Variants in COBL observed in about 807,000 individuals in gnomAD.
COBL encodes the protein protein cordon-bleu.
COBL carries 51 observed loss-of-function variants against 98.8 expected under a neutral mutation model. The ratio of observed to expected loss-of-function variants is 0.52; its 90% CI spans 0.41 to 0.65. The LOEUF (loss-of-function observed/expected upper bound fraction) is 0.65. Ranked by LOEUF, COBL falls within the 30% of genes least tolerant of loss-of-function variation. The pLI, the probability that COBL is intolerant of heterozygous loss-of-function variation, is 0.00. For missense variants in COBL, 1,617 were observed against 1,617.5 expected (o/e 1.00, Z 0.01); for synonymous variants, 634 against 651.7 (o/e 0.97, Z 0.41).
chr7:51,267,494 A>ATC (rs1798330222), intron 1 of COBL, among the ~76,000 whole-genome samples: 1 of 151,822 alleles, frequency 6.6e-6, no homozygotes, highest in Admixed American at 6.6e-5. Context: ...ATATATATAT[A>ATC]TTACTAGTAT....
chr7:51,187,327 TATATACACAC>T (rs1216271303), intron 4 of COBL, among the ~76,000 whole-genome samples: 2 of 139,040 alleles, frequency 1.4e-5, no homozygotes, highest in African/African-American at 5.8e-5. Context: ...TATATATATA[TATATACACAC>T]ACACACACAC....
rs1787583918 is a variant in COBL at position 51,026,558 on chromosome 7, G to A, written c.3492C>T (p.Cys1164=). ...CTTCACCTCTTACCTTCCTCAGGCTGCAGGTGCCGCTGTGCCCGCGGATAG... is the reference window on the plus strand; with the variant it reads ...CTTCACCTCTTACCTTCCTCAGGCTACAGGTGCCGCTGTGCCCGCGGATAG... The part of the protein sequence containing the change: ...LAAIRGHSGT[C]SLRKVASSAS... Residue 1164 remains cysteine, a synonymous_variant, in exon 11 of 13, where the codon TGC becomes TGT. Coordinates refer to ENST00000265136, the MANE Select transcript of COBL (RefSeq NM_015198.5). 1.9e-6 allele frequency: 3 copies of A among 1,614,016 alleles called. No individual in the cohort carries two copies. The highest frequency in any genetic ancestry group is 4.5e-5 in the East Asian group (2 of 44,890).
At chr7:51,286,912 C>T (rs901461172) in intron 1 of COBL, among the ~76,000 whole-genome samples, 3 of 152,156 alleles carry the variant, frequency 2.0e-5, no homozygotes, top group Non-Finnish European at 4.4e-5. Context: ...TATACACCAT[C>T]GAATACTACA....
chr7:51,165,573 A>T (rs952427287), intron 5 of COBL, among the ~76,000 whole-genome samples: 4 of 152,004 alleles, frequency 2.6e-5, no homozygotes, highest in Non-Finnish European at 5.9e-5. Flanking sequence ...ACAAAAAGCA[A>T]CAAAGAAACA....
At chr7:51,223,977 AG>A (rs1328385751) in intron 1 of COBL, among the ~76,000 whole-genome samples, 1 of 152,236 alleles carries the variant, frequency 6.6e-6, no homozygotes, top group Non-Finnish European at 1.5e-5. Context: ...ACATATATAA[AG>A]GTAGTCCCCT....
At chr7:51,312,720 GT>G (rs1803177610) in intron 1 of COBL, among the ~76,000 whole-genome samples, 2 of 152,102 alleles carry the variant, frequency 1.3e-5, no homozygotes, top group South Asian at 2.1e-4. Context: ...CTCTGCCTGG[GT>G]CAAGGTTCCA....
chr7:51,155,357 A>G (rs1324162653), intron 5 of COBL, among the ~76,000 whole-genome samples: 1 of 152,104 alleles, frequency 6.6e-6, no homozygotes, highest in Admixed American at 6.5e-5. Flanking sequence ...TGGGAGGCTG[A>G]GATGGGTGAA....
At chr7:51,037,066 G>GTC (rs149495968) in intron 8 of COBL, among the ~76,000 whole-genome samples, 7 of 151,626 alleles carry the variant, frequency 4.6e-5, no homozygotes, top group Admixed American at 6.6e-5. Flanking sequence ...CTCTCTCTCT[G>GTC]TCTCTCTCTC....
intron 7 of COBL, chr7:51,065,149 G>A (rs1030261777): frequency 1.6e-5 from 11 of 701,092 alleles, no homozygotes; most frequent in Admixed American, 8.0e-5. Flanking sequence ...GCTGATTAGG[G>A]ATTGTCTCCC....
intron 1 of COBL, among the ~76,000 whole-genome samples, chr7:51,258,413 T>C (rs1218569137): frequency 6.6e-6 from 1 of 152,146 alleles, no homozygotes; most frequent in Non-Finnish European, 1.5e-5. Flanking sequence ...CTAGGACAGA[T>C]GACACAACAA....
At chr7:51,302,517 G>T (rs1442010376) in intron 1 of COBL, among the ~76,000 whole-genome samples, 2 of 148,872 alleles carry the variant, frequency 1.3e-5, no homozygotes, top group African/African-American at 5.0e-5. Context: ...GGAGGCGGAG[G>T]TTGTGGTGAG....
In COBL at chr7:51,306,215, C is replaced by T. The variant is rs118065959; in HGVS notation, c.41+10378G>A. Among the ~76,000 whole-genome samples the T allele has an allele frequency of 3.6e-3, 547 of 152,228 alleles. 1 individual carries two copies. Among genetic ancestry groups the T allele is most frequent in the Middle Eastern group, 0.02 (6 of 294 alleles). ...CCACACACCAGGGCTATTTTCTCTC[C>T]GTGCTCAGTTCATCCCTGCTGGAGG... On this transcript the variant is annotated intron_variant, in intron 1 of 12. Coordinates refer to ENST00000265136, the MANE Select transcript of COBL (RefSeq NM_015198.5).
At chr7:51,242,314 A>G (rs1795863248) in intron 1 of COBL, among the ~76,000 whole-genome samples, 1 of 152,220 alleles carries the variant, frequency 6.6e-6, no homozygotes, top group African/African-American at 2.4e-5. Context: ...AAAATTCTGT[A>G]ACCAGGCTCT....
In COBL at chr7:51,085,028, C is replaced by A. The variant is rs371201505; in HGVS notation, c.1096+138G>T. On this transcript the variant is annotated intron_variant, in intron 7 of 12. Transcript: ENST00000265136. ...TGAACTTGCAATTATTTCTTTCCAG[C>A]CCTTCTTTCTTTAGCATTAATATTT... 167 of 1,245,402 alleles carry A rather than the reference C, an allele frequency of 1.3e-4. 2 individuals carry two copies. In the East Asian group the frequency reaches 3.6e-3, roughly 27 times the overall value. 77.1% of individuals were successfully genotyped at this position (1,245,402 alleles called of 1,614,324 possible).
intron 5 of COBL, among the ~76,000 whole-genome samples, chr7:51,168,845 A>G (rs1787584234): frequency 6.6e-6 from 1 of 152,230 alleles, no homozygotes; most frequent in African/African-American, 2.4e-5. Flanking sequence ...ACTGTTCACA[A>G]TAGCTAAGAC....
chr7:51,084,826 G>A (rs866953714), intron 7 of COBL, among the ~76,000 whole-genome samples: 3 of 152,156 alleles, frequency 2.0e-5, no homozygotes, highest in Non-Finnish European at 2.9e-5. Flanking sequence ...CAGTTTCCAC[G>A]ATGTCACCCT....
intron 7 of COBL, among the ~76,000 whole-genome samples, chr7:51,060,421 C>T (rs1791213108): frequency 6.6e-6 from 1 of 152,322 alleles, no homozygotes; most frequent in Non-Finnish European, 1.5e-5. Context: ...AGCAATGAGC[C>T]TGTGCATGGA....
At chr7:51,262,631 G>A (rs1335431329) in intron 1 of COBL, among the ~76,000 whole-genome samples, 2 of 152,180 alleles carry the variant, frequency 1.3e-5, no homozygotes, top group African/African-American at 2.4e-5. Context: ...GGCAACATTC[G>A]CCATGCAGTC....
At chr7:51,038,446 G>A (rs1788850232) in intron 8 of COBL, among the ~76,000 whole-genome samples, 1 of 152,214 alleles carries the variant, frequency 6.6e-6, no homozygotes, top group African/African-American at 2.4e-5. Context: ...TTTGCCTCCA[G>A]CTTGTCAATG....
Sources: allele counts gnomAD v4.1 joint callset (sites outside exome capture counted in the v4.1 genomes callset), GRCh38; gene constraint gnomAD v4.1.1; transcripts MANE v1.5; gene names NCBI Gene and HGNC (gene_info 2026-07-23, HGNC 2026-07-21).